NCKAP5: variants seen among roughly 807,000 people sequenced by gnomAD.
NCKAP5 encodes the protein NCK associated protein 5.
A neutral mutation model predicts 167.0 loss-of-function variants in NCKAP5; 92 were observed. That is an observed-to-expected ratio of 0.55 (90% CI 0.47 to 0.66). The LOEUF (loss-of-function observed/expected upper bound fraction) is 0.66. NCKAP5 is among the 30% of genes least tolerant of loss of function. The probability of loss-of-function intolerance (pLI) is 0.00; values close to 1 mark genes in which losing one functional copy is unlikely to be tolerated. For synonymous variants in NCKAP5, 891 were observed against 877.4 expected (o/e 1.02, Z -0.27); for missense variants, 2,378 against 2,315.0 (o/e 1.03, Z -0.56).
At chr2:133,438,513 T>A (rs1366113833) in intron 3 of NCKAP5, among the ~76,000 whole-genome samples, 1 of 152,192 alleles carries the variant, frequency 6.6e-6, no homozygotes, top group Non-Finnish European at 1.5e-5. Context: ...TACAGAGCTG[T>A]AGATAACTTC....
chr2:133,394,501 C>T (rs770574642), intron 3 of NCKAP5, among the ~76,000 whole-genome samples: 2 of 152,184 alleles, frequency 1.3e-5, no homozygotes, highest in Admixed American at 1.3e-4. Context: ...CCAGCAAGAA[C>T]GTGGTGCACT....
At chr2:133,327,078 A>C (rs767638626) in intron 3 of NCKAP5, among the ~76,000 whole-genome samples, 1 of 152,212 alleles carries the variant, frequency 6.6e-6, no homozygotes, top group Non-Finnish European at 1.5e-5. Flanking sequence ...GCACAACTTC[A>C]AACCCTTTGA....
intron 3 of NCKAP5, among the ~76,000 whole-genome samples, chr2:133,376,869 C>T (rs1427355372): frequency 6.6e-6 from 1 of 152,166 alleles, no homozygotes; most frequent in African/African-American, 2.4e-5. Context: ...GGGACACTGT[C>T]GCTGGTATAT....
intron 11 of NCKAP5, among the ~76,000 whole-genome samples, chr2:132,805,660 CAAA>C (rs61461970): frequency 1.0e-3 from 149 of 142,162 alleles, no homozygotes; most frequent in African/African-American, 1.2e-3. Flanking sequence ...TAAAACTATG[CAAA>C]AAAAAAAAAA....
At chr2:132,706,294 C>T (rs1257709215) in intron 19 of NCKAP5, among the ~76,000 whole-genome samples, 1 of 152,104 alleles carries the variant, frequency 6.6e-6, no homozygotes, top group Non-Finnish European at 1.5e-5. Flanking sequence ...CTTGACTTAG[C>T]AGATCACTGG....
intron 7 of NCKAP5, among the ~76,000 whole-genome samples, chr2:132,964,778 C>T (rs1318292870): frequency 5.9e-5 from 9 of 151,836 alleles, no homozygotes; most frequent in Admixed American, 5.9e-4. Context: ...AAAGACTTCT[C>T]TATATTTTAA....
chr2:133,524,788 T>A (rs868103100), intron 2 of NCKAP5, among the ~76,000 whole-genome samples: 1 of 152,188 alleles, frequency 6.6e-6, no homozygotes, highest in African/African-American at 2.4e-5. Context: ...CCTACAGCAG[T>A]CTCATTTTGG....
At chr2:133,074,940 GC>G (rs374379068) in intron 6 of NCKAP5, among the ~76,000 whole-genome samples, 216 of 152,152 alleles carry the variant, frequency 1.4e-3, no homozygotes, top group African/African-American at 5.1e-3. Flanking sequence ...AGAAATGATA[GC>G]CGAATACCTT....
At chr2:133,357,695 T>C (rs1684833912) in intron 3 of NCKAP5, among the ~76,000 whole-genome samples, 1 of 152,236 alleles carries the variant, frequency 6.6e-6, no homozygotes, top group African/African-American at 2.4e-5. Flanking sequence ...CTCCTTGTTT[T>C]TAATCTTGCC....
At chr2:133,192,044 G>C (rs1574330889) in intron 5 of NCKAP5, among the ~76,000 whole-genome samples, 1 of 152,024 alleles carries the variant, frequency 6.6e-6, no homozygotes, top group Non-Finnish European at 1.5e-5. Flanking sequence ...TAAATTCCAT[G>C]ACTTATTATA....
rs1255134862 is a variant in NCKAP5 at position 133,270,912 on chromosome 2, A to ATTTT, written c.143+32121_143+32124dup. 1.5e-3 allele frequency among the ~76,000 whole-genome samples: 190 copies of ATTTT among 128,954 alleles called. 2 individuals carry two copies. The highest frequency in any genetic ancestry group is 4.6e-3 in the African/African-American group (158 of 34,204). The allele number at this position is 128,954 out of a possible 152,430, so 84.6% of individuals were successfully genotyped here. On this transcript the variant is annotated intron_variant, in intron 4 of 19. Coordinates refer to ENST00000409261, the MANE Select transcript of NCKAP5 (RefSeq NM_207363.3). ...GTACTTTTGTTTTTTGTTGCTTCAA[A>ATTTT]TTTTTTTTTTTTTTTTTTCTTTTTT... is the stretch of plus-strand genomic sequence containing the variant.
At chr2:133,251,353 G>A (rs1242043319) in intron 4 of NCKAP5, among the ~76,000 whole-genome samples, 1 of 152,066 alleles carries the variant, frequency 6.6e-6, no homozygotes, top group Non-Finnish European at 1.5e-5. Context: ...CACATACAGT[G>A]GAGTGGAAAA....
At chr2:133,094,841 C>T (rs1336897096) in intron 6 of NCKAP5, among the ~76,000 whole-genome samples, 4 of 152,164 alleles carry the variant, frequency 2.6e-5, no homozygotes, top group African/African-American at 4.8e-5. Context: ...GAATTTGATG[C>T]ACCATCACTG....
At chr2:133,204,931 T>C (rs1158247707) in intron 5 of NCKAP5, among the ~76,000 whole-genome samples, 1 of 152,196 alleles carries the variant, frequency 6.6e-6, no homozygotes, top group Non-Finnish European at 1.5e-5. Flanking sequence ...GTCTTTTATT[T>C]ATCCAAAATT....
intron 3 of NCKAP5, among the ~76,000 whole-genome samples, chr2:133,399,929 T>A (rs553279888): frequency 1.3e-5 from 2 of 152,290 alleles, no homozygotes; most frequent in East Asian, 1.9e-4. Context: ...CATTTTTGGC[T>A]CCTATTAAAT....
chr2:132,775,041 G>A (rs1239216688), intron 15 of NCKAP5, among the ~76,000 whole-genome samples: 6 of 152,106 alleles, frequency 3.9e-5, no homozygotes, highest in Non-Finnish European at 7.4e-5. Flanking sequence ...AGGTAATGGC[G>A]CTACATAGCT....
intron 3 of NCKAP5, among the ~76,000 whole-genome samples, chr2:133,421,776 C>T (rs1689494165): frequency 6.6e-6 from 1 of 152,206 alleles, no homozygotes; most frequent in African/African-American, 2.4e-5. Context: ...TCAGTCAGCC[C>T]TTACTTTCCT....
chr2:133,200,619 C>A (rs920335826), intron 5 of NCKAP5, among the ~76,000 whole-genome samples: 2 of 152,068 alleles, frequency 1.3e-5, no homozygotes, highest in Non-Finnish European at 2.9e-5. Flanking sequence ...AATTGAAATT[C>A]TTCAAAATTC....
At chr2:133,357,275 A>C (rs1305090315) in intron 3 of NCKAP5, among the ~76,000 whole-genome samples, 2 of 135,226 alleles carry the variant, frequency 1.5e-5, no homozygotes, top group Non-Finnish European at 3.1e-5. Flanking sequence ...TAGTTGGGTC[A>C]CACACATACA....
Sources: gnomAD v4.1 joint callset for allele counts (sites outside exome capture counted in the v4.1 genomes callset) on GRCh38, gnomAD v4.1.1 for gene constraint, MANE v1.5 for transcripts, NCBI Gene and HGNC (gene_info 2026-07-23, HGNC 2026-07-21) for gene names.